Variants in UQCC3 observed in about 807,000 individuals in gnomAD.
The protein encoded by UQCC3 is ubiquinol-cytochrome c reductase complex assembly factor 3.
A neutral mutation model predicts 3.4 loss-of-function variants in UQCC3; 3 were observed. That is an observed-to-expected ratio of 0.88 (90% CI 0.40 to 2.26). UQCC3 has a LOEUF of 2.26. Ranked by LOEUF, UQCC3 falls within the 30% of genes most tolerant of loss-of-function variation. The pLI is 0.05. For synonymous variants in UQCC3, 57 were observed against 57.1 expected, an observed-to-expected ratio of 1.00 and a Z score of 0.00; for missense variants, 141 against 123.0, an observed-to-expected ratio of 1.15 and a Z score of -0.69.
In UQCC3 at chr11:62,672,212, G is replaced by C; in HGVS notation, c.*98G>C. 7.8e-7 allele frequency: 1 copy of C among 1,287,814 alleles called. No homozygotes were observed. Among genetic ancestry groups the C allele is most frequent in the Non-Finnish European group, 1.1e-6 (1 of 937,870 alleles). 79.8% of individuals were successfully genotyped at this position (1,287,814 alleles called of 1,614,324 possible). On this transcript the variant is annotated 3_prime_UTR_variant, in exon 2 of 2. Coordinates refer to ENST00000377953, the MANE Select transcript of UQCC3 (RefSeq NM_001085372.3). ...GGGCCCAGCGGAGAGTCCGGACCGA[G>C]ATACCATGCCAGGACTCTCCGGGGT...
rs1218824402 is a variant in UQCC3 at position 62,673,232 on chromosome 11, A to C, written c.*1118A>C. The C allele has an allele frequency of 1.3e-5, 2 of 152,102 alleles. No homozygotes were observed. The highest frequency in any genetic ancestry group is 3.8e-4 in the East Asian group (2 of 5,200). The allele number at this position is 152,102 out of a possible 1,614,324, so 9.4% of individuals were successfully genotyped here. ...GAAGTAATGGATGCCTATAGTGGAC[A>C]CTCAGGACTCCTGTCCTTGGAGCGA... On this transcript the variant is annotated 3_prime_UTR_variant, in exon 2 of 2. Transcript: ENST00000377953.
Position 62,671,698 on chromosome 11 carries a change from C to T in UQCC3, c.-48C>T. ...AGTGAGACCGCGCGGCAACAGCTTG[C>T]GGCTGCGGGGAGCTCCCGTGGGCGC... On this transcript the variant is annotated 5_prime_UTR_variant, in exon 1 of 2. Coordinates refer to ENST00000377953, the MANE Select transcript of UQCC3 (RefSeq NM_001085372.3). 6.2e-7 allele frequency: 1 copy of T among 1,603,798 alleles called. No homozygotes were observed. The highest frequency in any genetic ancestry group is 8.5e-7 in the Non-Finnish European group (1 of 1,175,104).
Position 62,673,218 on chromosome 11 carries a change from T to C in UQCC3, c.*1104T>C, listed in dbSNP as rs1944972644. 6.6e-6 allele frequency: 1 copy of C among 152,216 alleles called. No individual in the cohort carries two copies. The highest frequency in any genetic ancestry group is 2.4e-5 in the African/African-American group (1 of 41,448). The allele number at this position is 152,216 out of a possible 1,614,324, so 9.4% of individuals were successfully genotyped here. A position where few individuals can be genotyped will look rare whatever the true frequency, so the allele number is the denominator to read the frequency against. On this transcript the variant is annotated 3_prime_UTR_variant, in exon 2 of 2. Coordinates refer to ENST00000377953, the MANE Select transcript of UQCC3 (RefSeq NM_001085372.3). Reference sequence around the variant, plus strand: ...TCCTGGGAAGTCTTGAAGTAATGGATGCCTATAGTGGACACTCAGGACTCC... The same window carrying C: ...TCCTGGGAAGTCTTGAAGTAATGGACGCCTATAGTGGACACTCAGGACTCC...
At position 62,672,504 on chromosome 11, in the gene UQCC3, ATTTTT is replaced by A. The variant is rs35548045; in HGVS notation, c.*408_*412del. On this transcript the variant is annotated 3_prime_UTR_variant, in exon 2 of 2. Coordinates refer to ENST00000377953, the MANE Select transcript of UQCC3 (RefSeq NM_001085372.3). ...CTGATCCCGATAGGTATCTGACCACATTTTTTTTTTTTTTTTTTTTTTGAGACGGA... is the reference window on the plus strand; with the variant it reads ...CTGATCCCGATAGGTATCTGACCACATTTTTTTTTTTTTTTTTGAGACGGA... 68 of 109,822 alleles carry A rather than the reference ATTTTT, an allele frequency of 6.2e-4. No homozygotes were observed. The highest frequency in any genetic ancestry group is 3.6e-3 in the South Asian group (14 of 3,904). The allele number at this position is 109,822 out of a possible 1,614,324, so 6.8% of individuals were successfully genotyped here.
rs1944951412 is a variant in UQCC3, at chr11:62,671,843, G to A, written c.98G>A (p.Arg33Gln). The change falls in exon 1 of 2, where the codon CGG becomes CAG. Residue 33 changes from arginine to glutamine, a missense_variant. By Grantham distance (43) the Arg-to-Gln change is conservative. Transcript: ENST00000377953. The stretch of plus-strand genomic sequence containing the variant: ...CTCGTTATCGTGACCCCGGGAGAGC[G>A]GCGGAAGCAGGAAATGCTAAAGGTA... ...ALLVIVTPGE[R>Q]RKQEMLKEMP... 3 of 1,614,036 alleles carry A rather than the reference G, an allele frequency of 1.9e-6. No homozygotes were observed. The highest frequency in any genetic ancestry group is 1.3e-5 in the African/African-American group (1 of 74,934).
At position 62,672,307 on chromosome 11, in the gene UQCC3, C is replaced by G. The variant is rs1162329094; in HGVS notation, c.*193C>G. 1 of 625,752 alleles carries G rather than the reference C, an allele frequency of 1.6e-6. No homozygotes were observed. Among genetic ancestry groups the G allele is most frequent in the Non-Finnish European group, 2.8e-6 (1 of 362,246 alleles). The allele number at this position is 625,752 out of a possible 1,614,324, so 38.8% of individuals were successfully genotyped here. On this transcript the variant is annotated 3_prime_UTR_variant, in exon 2 of 2. Coordinates refer to ENST00000377953, the MANE Select transcript of UQCC3 (RefSeq NM_001085372.3). ...ACTGACTGCTTTAAGGTCCGCAAGGCGGGCCAGGGCCGAGACGCGAGTCGG... is the reference window on the plus strand; with the variant it reads ...ACTGACTGCTTTAAGGTCCGCAAGGGGGGCCAGGGCCGAGACGCGAGTCGG...
In UQCC3 at chr11:62,671,821, G is replaced by C. The variant is rs1460815886; in HGVS notation, c.76G>C (p.Val26Leu). The part of the protein sequence containing the change: ...AGAGVGYALL[V>L]IVTPGERRKQ... ...GGCTGGCGTGGGCTACGCGCTCCTC[G>C]TTATCGTGACCCCGGGAGAGCGGCG... Residue 26 changes from valine (V) to leucine (L), a missense_variant, in exon 1 of 2, where the codon GTT becomes CTT. Physicochemically the swap from Val to Leu is conservative, Grantham distance 32. Coordinates refer to ENST00000377953, the MANE Select transcript of UQCC3 (RefSeq NM_001085372.3). The C allele has an allele frequency of 1.2e-6, 2 of 1,613,996 alleles. No individual in the cohort carries two copies. The highest frequency in any genetic ancestry group is 1.3e-5 in the African/African-American group (1 of 74,918).
At position 62,673,550 on chromosome 11, in the gene UQCC3, G is replaced by A. The variant is rs546633790; in HGVS notation, c.*1436G>A. 1.2e-4 allele frequency: 19 copies of A among 152,198 alleles called. No homozygotes were observed. The highest frequency in any genetic ancestry group is 4.6e-4 in the Admixed American group (7 of 15,276). 9.4% of individuals were successfully genotyped at this position (152,198 alleles called of 1,614,324 possible). A position where few individuals can be genotyped will look rare whatever the true frequency, so the allele number is the denominator to read the frequency against. ...CCACTGAGGGGATTAAATAAGTGGG[G>A]TCAAAGCCCCACAGCCTAGTCAACC... On this transcript the variant is annotated 3_prime_UTR_variant, in exon 2 of 2. Transcript: ENST00000377953.
chr11:62,672,191 C>A lies in UQCC3; in HGVS notation c.*77C>A. ...GAGGCAGCCTTTCTCCTTCGTGGGC[C>A]CAGCGGAGAGTCCGGACCGAGATAC... On this transcript the variant is annotated 3_prime_UTR_variant, in exon 2 of 2. Transcript: ENST00000377953. The A allele has an allele frequency of 7.0e-7, 1 of 1,432,830 alleles. No homozygotes were observed. Among genetic ancestry groups the A allele is most frequent in the Non-Finnish European group, 9.4e-7 (1 of 1,062,628 alleles). 88.8% of individuals were successfully genotyped at this position (1,432,830 alleles called of 1,614,324 possible). A position where few individuals can be genotyped will look rare whatever the true frequency, so the allele number is the denominator to read the frequency against.
Position 62,673,191 on chromosome 11 carries a change from T to G in UQCC3, c.*1077T>G, listed in dbSNP as rs988409444. Reference sequence around the variant, plus strand: ...CGTGGGACATTCTTGAAATCTGAACTATCCTGGGAAGTCTTGAAGTAATGG... The same window carrying G: ...CGTGGGACATTCTTGAAATCTGAACGATCCTGGGAAGTCTTGAAGTAATGG... On this transcript the variant is annotated 3_prime_UTR_variant, in exon 2 of 2. Transcript: ENST00000377953. 1 of 152,202 alleles carries G rather than the reference T, an allele frequency of 6.6e-6. No individual in the cohort carries two copies. Among genetic ancestry groups the G allele is most frequent in the Non-Finnish European group, 1.5e-5 (1 of 68,044 alleles). The allele number at this position is 152,202 out of a possible 1,614,324, so 9.4% of individuals were successfully genotyped here. A position where few individuals can be genotyped will look rare whatever the true frequency, so the allele number is the denominator to read the frequency against.
chr11:62,672,152 G>C lies in UQCC3; in HGVS notation c.*38G>C, dbSNP rs1477827789. On this transcript the variant is annotated 3_prime_UTR_variant, in exon 2 of 2. Transcript: ENST00000377953. ...CTCCGTGGGCGCCGGACCTTGGCTTGGGCGCAGGAATCCGAGGCAGCCTTT... is the reference window on the plus strand; with the variant it reads ...CTCCGTGGGCGCCGGACCTTGGCTTCGGCGCAGGAATCCGAGGCAGCCTTT... 4.5e-6 allele frequency: 7 copies of C among 1,540,138 alleles called. No individual in the cohort carries two copies. Among genetic ancestry groups the C allele is most frequent in the East Asian group, 2.4e-5 (1 of 41,220 alleles).
chr11:62,672,201 G>T lies in UQCC3; in HGVS notation c.*87G>T. On this transcript the variant is annotated 3_prime_UTR_variant, in exon 2 of 2. Coordinates refer to ENST00000377953, the MANE Select transcript of UQCC3 (RefSeq NM_001085372.3). The stretch of plus-strand genomic sequence containing the variant: ...TTCTCCTTCGTGGGCCCAGCGGAGA[G>T]TCCGGACCGAGATACCATGCCAGGA... The T allele has an allele frequency of 7.3e-7, 1 of 1,373,294 alleles. No homozygotes were observed. The allele number at this position is 1,373,294 out of a possible 1,614,324, so 85.1% of individuals were successfully genotyped here. A position where few individuals can be genotyped will look rare whatever the true frequency, so the allele number is the denominator to read the frequency against.
Position 62,671,679 on chromosome 11 carries a change from AC to A in UQCC3, c.-65del. On this transcript the variant is annotated 5_prime_UTR_variant, in exon 1 of 2. Transcript: ENST00000377953. ...CTAGCCTGCGCCAAGGGGTAGTGAGACCGCGCGGCAACAGCTTGCGGCTGCG... is the reference window on the plus strand; with the variant it reads ...CTAGCCTGCGCCAAGGGGTAGTGAGACGCGCGGCAACAGCTTGCGGCTGCG... The A allele has an allele frequency of 6.3e-7, 1 of 1,595,504 alleles. No homozygotes were observed. Among genetic ancestry groups the A allele is most frequent in the East Asian group, 2.2e-5 (1 of 44,662 alleles).
chr11:62,671,713 C>G lies in UQCC3; in HGVS notation c.-33C>G. ...CAACAGCTTGCGGCTGCGGGGAGCT[C>G]CCGTGGGCGCTCCGCTGGCTGTGCA... On this transcript the variant is annotated 5_prime_UTR_variant, in exon 1 of 2. Coordinates refer to ENST00000377953, the MANE Select transcript of UQCC3 (RefSeq NM_001085372.3). 1.2e-6 allele frequency: 2 copies of G among 1,610,330 alleles called. No individual in the cohort carries two copies. The highest frequency in any genetic ancestry group is 1.1e-5 in the South Asian group (1 of 90,908).
At position 62,673,386 on chromosome 11, in the gene UQCC3, C is replaced by T. The variant is rs543081533; in HGVS notation, c.*1272C>T. 6.6e-6 allele frequency: 1 copy of T among 152,252 alleles called. No individual in the cohort carries two copies. The highest frequency in any genetic ancestry group is 6.5e-5 in the Admixed American group (1 of 15,282). The allele number at this position is 152,252 out of a possible 1,614,324, so 9.4% of individuals were successfully genotyped here. On this transcript the variant is annotated 3_prime_UTR_variant, in exon 2 of 2. Coordinates refer to ENST00000377953, the MANE Select transcript of UQCC3 (RefSeq NM_001085372.3). The stretch of plus-strand genomic sequence containing the variant: ...AAGGAGTGTGCTTTGAGTCACAGAT[C>T]CTGGTTGAACTCCAGCATGTTACAA...
rs900832448 is a variant in UQCC3 at position 62,672,194 on chromosome 11, G to C, written c.*80G>C. 20 of 1,418,078 alleles carry C rather than the reference G, an allele frequency of 1.4e-5. No individual in the cohort carries two copies. The African/African-American group carries it at 2.4e-4, about 17-fold the overall frequency. 87.8% of individuals were successfully genotyped at this position (1,418,078 alleles called of 1,614,324 possible). A position where few individuals can be genotyped will look rare whatever the true frequency, so the allele number is the denominator to read the frequency against. Reference sequence around the variant, plus strand: ...GCAGCCTTTCTCCTTCGTGGGCCCAGCGGAGAGTCCGGACCGAGATACCAT... The same window carrying C: ...GCAGCCTTTCTCCTTCGTGGGCCCACCGGAGAGTCCGGACCGAGATACCAT... On this transcript the variant is annotated 3_prime_UTR_variant, in exon 2 of 2. Transcript: ENST00000377953.
Position 62,672,144 on chromosome 11 carries a change from C to T in UQCC3, c.*30C>T. On this transcript the variant is annotated 3_prime_UTR_variant, in exon 2 of 2. Coordinates refer to ENST00000377953, the MANE Select transcript of UQCC3 (RefSeq NM_001085372.3). ...GGACTTGCCTCCGTGGGCGCCGGACCTTGGCTTGGGCGCAGGAATCCGAGG... is the reference window on the plus strand; with the variant it reads ...GGACTTGCCTCCGTGGGCGCCGGACTTTGGCTTGGGCGCAGGAATCCGAGG... 2 of 1,546,460 alleles carry T rather than the reference C, an allele frequency of 1.3e-6. No homozygotes were observed. Among genetic ancestry groups the T allele is most frequent in the Non-Finnish European group, 1.7e-6 (2 of 1,147,928 alleles).
Position 62,672,050 on chromosome 11 carries a change from A to G in UQCC3, c.218A>G (p.Asn73Ser), listed in dbSNP as rs1944955277. The change falls in exon 2 of 2, where the codon AAC becomes AGC. Residue 73 changes from asparagine (N) to serine (S), a missense_variant. Transcript: ENST00000377953. ...TLQEAATTQE[N>S]VAWRKNWMVG... ...CAGGAGGCAGCGACCACGCAGGAGA[A>G]CGTGGCCTGGAGGAAGAACTGGATG... The G allele has an allele frequency of 6.2e-7, 1 of 1,610,806 alleles. No homozygotes were observed. Among genetic ancestry groups the G allele is most frequent in the African/African-American group, 1.3e-5 (1 of 74,898 alleles).
rs1391597405 is a variant in UQCC3 at position 62,672,978 on chromosome 11, T to G, written c.*864T>G. Reference sequence around the variant, plus strand: ...CGTCCGCAACCACGCCCGGCTGATATTAGTAGTTTTAGTAGAGGCGGGTTT... The same window carrying G: ...CGTCCGCAACCACGCCCGGCTGATAGTAGTAGTTTTAGTAGAGGCGGGTTT... On this transcript the variant is annotated 3_prime_UTR_variant, in exon 2 of 2. Coordinates refer to ENST00000377953, the MANE Select transcript of UQCC3 (RefSeq NM_001085372.3). 6 of 152,072 alleles carry G rather than the reference T, an allele frequency of 3.9e-5. No homozygotes were observed. Among genetic ancestry groups the G allele is most frequent in the Admixed American group, 1.3e-4 (2 of 15,244 alleles). 9.4% of individuals were successfully genotyped at this position (152,072 alleles called of 1,614,324 possible).
Sources: gnomAD v4.1 joint callset for allele counts on GRCh38, gnomAD v4.1.1 for gene constraint, MANE v1.5 for transcripts, NCBI Gene and HGNC (gene_info 2026-07-23, HGNC 2026-07-21) for gene names.